Variants in ANKS1A observed in about 807,000 individuals in gnomAD.
ANKS1A encodes ankyrin repeat and SAM domain-containing protein 1A.
In ANKS1A, 55 loss-of-function variants were observed where a neutral mutation model predicts 120.3. The ratio of observed to expected loss-of-function variants is 0.46; its 90% CI spans 0.37 to 0.57. The LOEUF (loss-of-function observed/expected upper bound fraction) is 0.57, where lower values mean the gene tolerates loss of function less well. Ranked by LOEUF, ANKS1A falls within the 20% of genes least tolerant of loss-of-function variation. ANKS1A has a pLI of 0.00. For synonymous variants in ANKS1A, 590 were observed against 604.7 expected, an observed-to-expected ratio of 0.98 and a Z score of 0.36; for missense variants, 1,123 against 1,480.3, an observed-to-expected ratio of 0.76 and a Z score of 3.96.
chr6:34,952,063 G>C (rs758288457), intron 1 of ANKS1A, among the ~76,000 whole-genome samples: 19 of 152,206 alleles, frequency 1.2e-4, no homozygotes, highest in Non-Finnish European at 2.8e-4. Context: ...TTCTCAGGAA[G>C]CTATATGGCA....
intron 1 of ANKS1A, among the ~76,000 whole-genome samples, chr6:34,896,965 CA>C: frequency 6.6e-6 from 1 of 151,644 alleles, no homozygotes; most frequent in South Asian, 2.1e-4. Flanking sequence ...AACTCCATCT[CA>C]AAAAAAATAA....
chr6:34,968,603 A>C (rs942130516), intron 2 of ANKS1A, among the ~76,000 whole-genome samples: 1 of 152,108 alleles, frequency 6.6e-6, no homozygotes, highest in African/African-American at 2.4e-5. Context: ...ACACCCAGCT[A>C]ATTTTTGTAT....
At chr6:35,006,559 C>G (rs1049301644) in intron 10 of ANKS1A, among the ~76,000 whole-genome samples, 1 of 151,622 alleles carries the variant, frequency 6.6e-6, no homozygotes, top group Non-Finnish European at 1.5e-5. Flanking sequence ...TGGAGACCAT[C>G]CTGGCTAACA....
At chr6:34,954,001 G>A (rs1472257022) in intron 1 of ANKS1A, among the ~76,000 whole-genome samples, 1 of 152,010 alleles carries the variant, frequency 6.6e-6, no homozygotes, top group Non-Finnish European at 1.5e-5. Flanking sequence ...TAAGATAAAG[G>A]CCCCCCAAAT....
intron 1 of ANKS1A, among the ~76,000 whole-genome samples, chr6:34,950,437 C>T (rs1770027150): frequency 1.3e-5 from 2 of 151,896 alleles, no homozygotes; most frequent in South Asian, 4.1e-4. Context: ...CCATGTTGGC[C>T]GGGCTGGTCT....
intron 9 of ANKS1A, among the ~76,000 whole-genome samples, chr6:34,993,403 G>T (rs940575736): frequency 2.6e-5 from 4 of 152,242 alleles, no homozygotes; most frequent in African/African-American, 9.6e-5. Context: ...GTTGCCAGGT[G>T]TAGGAGCCAG....
At chr6:34,977,465 C>T (rs540765171) in intron 3 of ANKS1A, among the ~76,000 whole-genome samples, 1 of 151,928 alleles carries the variant, frequency 6.6e-6, no homozygotes, top group Non-Finnish European at 1.5e-5. Flanking sequence ...TTTAGGCCAA[C>T]CTTCCACATA....
chr6:34,900,911 T>G (rs1400686304), intron 1 of ANKS1A, among the ~76,000 whole-genome samples: 1 of 152,160 alleles, frequency 6.6e-6, no homozygotes, highest in Non-Finnish European at 1.5e-5. Context: ...CCTTTACGTC[T>G]ATGCCAAATA....
intron 1 of ANKS1A, among the ~76,000 whole-genome samples, chr6:34,953,960 A>G (rs1478130519): frequency 6.6e-6 from 1 of 152,218 alleles, no homozygotes; most frequent in East Asian, 1.9e-4. Context: ...TCAAGGGTTA[A>G]GAAGCCACTA....
rs1018025145 is a variant in ANKS1A, at chr6:34,982,420, T to C, written c.733-332T>C. Among the ~76,000 whole-genome samples, 1 of 152,212 alleles carries C rather than the reference T, an allele frequency of 6.6e-6. No individual in the cohort carries two copies. The highest frequency in any genetic ancestry group is 6.5e-5 in the Admixed American group (1 of 15,284). ...TAGGTGTTGTGTTGACCAAACCACATTTGAAGTGAGGGTGTTTCTGTTGTA... is the reference window on the plus strand; with the variant it reads ...TAGGTGTTGTGTTGACCAAACCACACTTGAAGTGAGGGTGTTTCTGTTGTA... On this transcript the variant is annotated intron_variant, in intron 4 of 23. Coordinates refer to ENST00000360359, the MANE Select transcript of ANKS1A (RefSeq NM_015245.3). The surrounding 1 kb of genome is among the most constrained non-coding windows in gnomAD (Gnocchi z 4.9).
chr6:34,994,013 C>A (rs1232314008), intron 9 of ANKS1A, among the ~76,000 whole-genome samples: 1 of 151,862 alleles, frequency 6.6e-6, no homozygotes, highest in Admixed American at 6.6e-5. Flanking sequence ...GTTCTGTCAC[C>A]CAGGCTGGAG....
intron 11 of ANKS1A, among the ~76,000 whole-genome samples, chr6:35,048,943 C>G (rs1775846139): frequency 6.6e-6 from 1 of 152,218 alleles, no homozygotes; most frequent in Non-Finnish European, 1.5e-5. Flanking sequence ...CACTTTGCCC[C>G]CGTGCAGCAG....
chr6:35,073,613 C>A (rs1054568506), intron 13 of ANKS1A, among the ~76,000 whole-genome samples: 11 of 152,220 alleles, frequency 7.2e-5, no homozygotes, highest in African/African-American at 2.7e-4. Context: ...AGTTGTGAAG[C>A]TTTTATCAAA....
Position 34,982,514 on chromosome 6 carries a change from T to C in ANKS1A, c.733-238T>C, listed in dbSNP as rs1382628706. Among the ~76,000 whole-genome samples the C allele has an allele frequency of 1.3e-5, 2 of 152,186 alleles. No homozygotes were observed. Among genetic ancestry groups the C allele is most frequent in the African/African-American group, 4.8e-5 (2 of 41,444 alleles). On this transcript the variant is annotated intron_variant, in intron 4 of 23. Transcript: ENST00000360359. This position sits in a 1 kb window ranked among gnomAD's most constrained non-coding sequence, Gnocchi z 4.9. ...GAGGCATTTCACCAGTAGATGGCTCTAAGAGTAACTGTTCAGTTATTCACA... is the reference window on the plus strand; with the variant it reads ...GAGGCATTTCACCAGTAGATGGCTCCAAGAGTAACTGTTCAGTTATTCACA...
rs370369604 is a variant in ANKS1A, at chr6:35,082,866, G to A, written c.2835+50G>A. The stretch of plus-strand genomic sequence containing the variant: ...AGGGCCGGCCTCCCTGCTCCTTCTC[G>A]GCCAGGCACCTGCGGCCAAGTCCCA... On this transcript the variant is annotated intron_variant, in intron 18 of 23. Coordinates refer to ENST00000360359, the MANE Select transcript of ANKS1A (RefSeq NM_015245.3). This position sits in a 1 kb window ranked among gnomAD's most constrained non-coding sequence, Gnocchi z 4.1. 9.4e-5 allele frequency: 149 copies of A among 1,580,724 alleles called. No homozygotes were observed. The highest frequency in any genetic ancestry group is 2.8e-4 in the African/African-American group (21 of 74,236).
chr6:34,908,438 A>G (rs1767744174), intron 1 of ANKS1A, among the ~76,000 whole-genome samples: 1 of 152,148 alleles, frequency 6.6e-6, no homozygotes, highest in Non-Finnish European at 1.5e-5. Context: ...TCGTCATGGG[A>G]TTGGATGCTG....
At chr6:34,963,127 A>C (rs554766885) in intron 1 of ANKS1A, among the ~76,000 whole-genome samples, 1 of 152,086 alleles carries the variant, frequency 6.6e-6, no homozygotes, top group East Asian at 1.9e-4. Context: ...CTCCCAAGGT[A>C]CTGAGATTAC....
intron 2 of ANKS1A, among the ~76,000 whole-genome samples, chr6:34,969,403 C>T (rs981269600): frequency 3.9e-5 from 6 of 152,140 alleles, no homozygotes; most frequent in Non-Finnish European, 8.8e-5. Flanking sequence ...TATAGGTGCC[C>T]ACCACCACAC....
intron 10 of ANKS1A, among the ~76,000 whole-genome samples, chr6:35,007,188 G>A (rs991085095): frequency 3.3e-5 from 5 of 152,270 alleles, no homozygotes; most frequent in East Asian, 3.9e-4. Flanking sequence ...GGCATTTTGC[G>A]CCTGGGGACC....
Sources: allele counts gnomAD v4.1 joint callset (sites outside exome capture counted in the v4.1 genomes callset), GRCh38; gene constraint gnomAD v4.1.1; non-coding constraint Gnocchi (gnomAD v3.1); transcripts MANE v1.5; gene names NCBI Gene and HGNC (gene_info 2026-07-23, HGNC 2026-07-21).